TTBK2: variants seen among roughly 807,000 people sequenced by gnomAD.
TTBK2 encodes tau-tubulin kinase 2.
Under a neutral mutation model 110.8 loss-of-function variants are expected in TTBK2, and 28 were observed. The observed-to-expected ratio is 0.25, with a 90% CI of 0.19 to 0.35. TTBK2 has a LOEUF of 0.35. Among genes scored for constraint, TTBK2 ranks in the 10% least tolerant of loss-of-function variants. The pLI, the probability that TTBK2 is intolerant of heterozygous loss-of-function variation, is 1.00. For synonymous variants in TTBK2, 532 were observed against 527.3 expected, an observed-to-expected ratio of 1.01 and a Z score of -0.12; for missense variants, 1,369 against 1,500.3, an observed-to-expected ratio of 0.91 and a Z score of 1.45.
chr15:42,784,492 G>A (rs1395542035), intron 10 of TTBK2, among the ~76,000 whole-genome samples: 1 of 152,138 alleles, frequency 6.6e-6, no homozygotes, highest in Non-Finnish European at 1.5e-5. Flanking sequence ...TGGGCAGGGT[G>A]GTCTCAAACT....
chr15:42,799,064 C>T (rs1352459862), intron 9 of TTBK2, among the ~76,000 whole-genome samples: 1 of 152,072 alleles, frequency 6.6e-6, no homozygotes, highest in Non-Finnish European at 1.5e-5. Context: ...CAAAATATTA[C>T]AAAATCCTAA....
intron 7 of TTBK2, among the ~76,000 whole-genome samples, chr15:42,812,284 G>T (rs1453240328): frequency 6.6e-6 from 1 of 151,558 alleles, no homozygotes; most frequent in African/African-American, 2.4e-5. Context: ...CATCCGTAGT[G>T]CAGTATTTGG....
At chr15:42,763,082 TTTTA>T (rs199776033) in intron 13 of TTBK2, among the ~76,000 whole-genome samples, 1 of 110,498 alleles carries the variant, frequency 9.0e-6, no homozygotes, top group African/African-American at 5.1e-5. Flanking sequence ...CAGTTAACAA[TTTTA>T]TATATATATA....
chr15:42,753,722 G>A (rs1197489353), intron 13 of TTBK2, among the ~76,000 whole-genome samples: 2 of 152,120 alleles, frequency 1.3e-5, no homozygotes, highest in African/African-American at 4.8e-5. Context: ...CTCTCTCTCA[G>A]CTACTACCCT....
chr15:42,769,374 G>C (rs973443422), intron 13 of TTBK2, among the ~76,000 whole-genome samples: 7 of 152,136 alleles, frequency 4.6e-5, no homozygotes, highest in Admixed American at 3.3e-4. Flanking sequence ...CTGACAAAGG[G>C]CTAATATCCA....
At chr15:42,882,176 AAAAAC>A (rs1402145522) in intron 1 of TTBK2, among the ~76,000 whole-genome samples, 1 of 152,138 alleles carries the variant, frequency 6.6e-6, no homozygotes, top group Admixed American at 6.5e-5. Context: ...TGTGAAGGAA[AAAAAC>A]AACAGATTGA....
At chr15:42,802,131 C>A (rs369055299) in intron 9 of TTBK2, 1 of 1,434,752 alleles carries the variant, frequency 7.0e-7, no homozygotes, top group South Asian at 1.1e-5. Flanking sequence ...GGGTCTTGAT[C>A]TGCTTCTCCT....
At chr15:42,758,122 C>T (rs924155030) in intron 13 of TTBK2, among the ~76,000 whole-genome samples, 18 of 152,106 alleles carry the variant, frequency 1.2e-4, no homozygotes, top group Admixed American at 8.5e-4. Flanking sequence ...ATAAAAACTG[C>T]GAAATTCAAC....
chr15:42,827,236 G>A (rs1427261061), intron 6 of TTBK2, among the ~76,000 whole-genome samples: 1 of 152,110 alleles, frequency 6.6e-6, no homozygotes, highest in Non-Finnish European at 1.5e-5. Context: ...CAGGGAGGGA[G>A]GAAGAACGGA....
At chr15:42,813,994 C>T (rs1891834961) in intron 7 of TTBK2, among the ~76,000 whole-genome samples, 1 of 151,950 alleles carries the variant, frequency 6.6e-6, no homozygotes, top group South Asian at 2.1e-4. Context: ...AACAATAAGA[C>T]AGTATGACAG....
chr15:42,911,059 A>C (rs904064677), intron 1 of TTBK2, among the ~76,000 whole-genome samples: 10 of 151,966 alleles, frequency 6.6e-5, no homozygotes, highest in African/African-American at 2.2e-4. Context: ...AAAAAAAAAA[A>C]CGGTGAAAAA....
intron 3 of TTBK2, among the ~76,000 whole-genome samples, chr15:42,864,238 A>G (rs1894272442): frequency 6.6e-6 from 1 of 152,212 alleles, no homozygotes; most frequent in Non-Finnish European, 1.5e-5. Context: ...ATGAACAATA[A>G]AAAACAAATC....
intron 13 of TTBK2, among the ~76,000 whole-genome samples, chr15:42,756,861 A>C: frequency 6.8e-6 from 1 of 148,006 alleles, no homozygotes; most frequent in African/African-American, 2.7e-5. Context: ...GCAATACCCC[A>C]CCTCAAAAAA....
At chr15:42,913,495 A>G (rs1040946879) in intron 1 of TTBK2, among the ~76,000 whole-genome samples, 3 of 151,704 alleles carry the variant, frequency 2.0e-5, no homozygotes, top group Non-Finnish European at 4.4e-5. Context: ...AAAATTAGCC[A>G]GGCGTGGTGG....
chr15:42,833,163 A>G (rs182207265), intron 4 of TTBK2, among the ~76,000 whole-genome samples: 2 of 150,230 alleles, frequency 1.3e-5, no homozygotes, highest in Admixed American at 6.7e-5. Context: ...ATGTTTATCT[A>G]TGTAACAAAC....
intron 1 of TTBK2, among the ~76,000 whole-genome samples, chr15:42,918,169 A>G (rs1328208751): frequency 6.6e-6 from 1 of 151,938 alleles, no homozygotes; most frequent in Non-Finnish European, 1.5e-5. Context: ...TCAACCTCCG[A>G]TCCACCCCCT....
intron 11 of TTBK2, among the ~76,000 whole-genome samples, chr15:42,782,703 T>C (rs1310022948): frequency 6.6e-6 from 1 of 152,224 alleles, no homozygotes; most frequent in Non-Finnish European, 1.5e-5. Context: ...ATCACCATGA[T>C]GACAAATAAT....
At chr15:42,841,773 G>T (rs1315492255) in intron 3 of TTBK2, among the ~76,000 whole-genome samples, 1 of 152,150 alleles carries the variant, frequency 6.6e-6, no homozygotes, top group East Asian at 1.9e-4. Flanking sequence ...TATTAAAGAT[G>T]TAGTTTTTTA....
chr15:42,875,023 T>C (rs1371167610), intron 2 of TTBK2, among the ~76,000 whole-genome samples: 5 of 152,022 alleles, frequency 3.3e-5, no homozygotes, highest in Non-Finnish European at 5.9e-5. Flanking sequence ...TCTTTATATT[T>C]TGTCCATTAA....
Sources: gnomAD v4.1 joint callset for allele counts (sites outside exome capture counted in the v4.1 genomes callset) on GRCh38, gnomAD v4.1.1 for gene constraint, MANE v1.5 for transcripts, NCBI Gene and HGNC (gene_info 2026-07-23, HGNC 2026-07-21) for gene names.